ADGRV1: variants seen among roughly 807,000 people sequenced by gnomAD.
ADGRV1 encodes the protein adhesion G protein-coupled receptor V1.
In ADGRV1, 359 loss-of-function variants were observed where a neutral mutation model predicts 596.2. That is an observed-to-expected ratio of 0.60 (90% confidence interval 0.55 to 0.66). The LOEUF is 0.66. ADGRV1 is among the 30% of genes least tolerant of loss of function. The pLI, the probability that ADGRV1 is intolerant of heterozygous loss-of-function variation, is 0.00. For missense variants in ADGRV1, 7,274 were observed against 7,575.6 expected, an observed-to-expected ratio of 0.96 and a Z score of 1.48; for synonymous variants, 2,681 against 2,679.2, an observed-to-expected ratio of 1.00 and a Z score of -0.02.
chr5:90,721,752 ATAGGG>A (rs1751062690), intron 45 of ADGRV1, among the ~76,000 whole-genome samples: 1 of 152,106 alleles, frequency 6.6e-6, no homozygotes, highest in Admixed American at 6.5e-5. Context: ...TTGAAAGAAT[ATAGGG>A]GAATGCTTTC....
At chr5:91,146,788 G>A (rs954708412) in intron 87 of ADGRV1, among the ~76,000 whole-genome samples, 4 of 152,166 alleles carry the variant, frequency 2.6e-5, no homozygotes, top group Non-Finnish European at 5.9e-5. Flanking sequence ...AATGTACATA[G>A]CTAATCAGAT....
chr5:90,653,258 G>A lies in ADGRV1; in HGVS notation c.3684G>A (p.Val1228=). 1 of 1,613,546 alleles carries A rather than the reference G, an allele frequency of 6.2e-7. No individual in the cohort carries two copies. The highest frequency in any genetic ancestry group is 8.5e-7 in the Non-Finnish European group (1 of 1,179,610). The change falls in exon 20 of 90, where the codon GTG becomes GTA. Residue 1228 remains valine (V), a synonymous_variant. Coordinates refer to ENST00000405460, the MANE Select transcript of ADGRV1 (RefSeq NM_032119.4). ...AGCTAGCAGAAACCAACCTCCAGGT[G>A]ACAGTAATGGTTCCATTCAATGATG... ...GGQLAETNLQ[V]TVMVPFNDDP...
chr5:90,776,151 A>G (rs1758202501), intron 60 of ADGRV1, among the ~76,000 whole-genome samples: 1 of 152,220 alleles, frequency 6.6e-6, no homozygotes, highest in South Asian at 2.1e-4. Context: ...TGTAGAAACA[A>G]ATTAATGCCA....
chr5:91,051,169 T>A (rs1786288069), intron 85 of ADGRV1, among the ~76,000 whole-genome samples: 1 of 152,178 alleles, frequency 6.6e-6, no homozygotes, highest in African/African-American at 2.4e-5. Flanking sequence ...AATGTATGAA[T>A]TTCATCCCAT....
At chr5:90,671,846 T>G (rs181700080) in intron 21 of ADGRV1, among the ~76,000 whole-genome samples, 17 of 152,276 alleles carry the variant, frequency 1.1e-4, no homozygotes, top group African/African-American at 4.1e-4. Flanking sequence ...CCATAGAGTT[T>G]TAAAGCATTA....
At position 90,603,958 on chromosome 5, in the gene ADGRV1, C is replaced by T. The variant is rs375669641; in HGVS notation, c.23-10877C>T. Among the ~76,000 whole-genome samples, 27 of 147,682 alleles carry T rather than the reference C, an allele frequency of 1.8e-4. 1 individual carries two copies. The South Asian group carries it at 4.2e-3, about 23-fold the overall frequency. The stretch of plus-strand genomic sequence containing the variant: ...CTCACCACCTTGTGAACTGGTTTTC[C>T]GCCTCTGAATGACATGGAGATAAGA... On this transcript the variant is annotated intron_variant, in intron 1 of 89. Transcript: ENST00000405460.
chr5:90,563,438 A>G (rs561663768), intron 1 of ADGRV1, among the ~76,000 whole-genome samples: 1 of 152,268 alleles, frequency 6.6e-6, no homozygotes, highest in Non-Finnish European at 1.5e-5. Flanking sequence ...GTAGGGTGCC[A>G]TAGGGCAAGG....
At chr5:90,775,089 G>A (rs1758085960) in intron 60 of ADGRV1, among the ~76,000 whole-genome samples, 1 of 152,068 alleles carries the variant, frequency 6.6e-6, no homozygotes, top group Non-Finnish European at 1.5e-5. Flanking sequence ...TGGTTTTATT[G>A]TGCTATAAAC....
intron 1 of ADGRV1, among the ~76,000 whole-genome samples, chr5:90,570,267 A>G (rs1039499397): frequency 6.6e-6 from 1 of 152,210 alleles, no homozygotes; most frequent in Non-Finnish European, 1.5e-5. Flanking sequence ...ACTGCCTTCT[A>G]GCCTCCTAGG....
intron 89 of ADGRV1, among the ~76,000 whole-genome samples, chr5:91,154,445 A>G (rs772167254): frequency 3.9e-5 from 6 of 152,190 alleles, no homozygotes; most frequent in Non-Finnish European, 7.3e-5. Flanking sequence ...ATAACAGCAT[A>G]TTTTCATGTA....
At chr5:90,719,763 C>A (rs1053116541) in intron 43 of ADGRV1, among the ~76,000 whole-genome samples, 2 of 152,108 alleles carry the variant, frequency 1.3e-5, no homozygotes, top group African/African-American at 4.8e-5. Flanking sequence ...ACAAAAAGTT[C>A]ACAAAAATGA....
At chr5:90,903,694 A>C (rs1027748458) in intron 83 of ADGRV1, among the ~76,000 whole-genome samples, 2 of 152,022 alleles carry the variant, frequency 1.3e-5, no homozygotes, top group African/African-American at 2.4e-5. Flanking sequence ...TCATACAGGC[A>C]TGCAATGTAT....
chr5:90,718,755 G>A (rs1580854780), intron 43 of ADGRV1, among the ~76,000 whole-genome samples: 1 of 150,242 alleles, frequency 6.7e-6, no homozygotes, highest in African/African-American at 2.4e-5. Context: ...CTTTATTCAT[G>A]TTTTTTCATC....
In ADGRV1 at chr5:90,690,898, G is replaced by C. The variant is rs376020392; in HGVS notation, c.6808G>C (p.Val2270Leu). The C allele has an allele frequency of 6.2e-7, 1 of 1,613,742 alleles. No individual in the cohort carries two copies. Among genetic ancestry groups the C allele is most frequent in the African/African-American group, 1.3e-5 (1 of 75,028 alleles). Reference sequence around the variant, plus strand: ...TTCTGGGACACTCGGCAATGTTACTGTTCAGTGGGTTGCCACCATTAATGG... The same window carrying C: ...TTCTGGGACACTCGGCAATGTTACTCTTCAGTGGGTTGCCACCATTAATGG... ...RNSGTLGNVTVQWVATINGQL... is the reference protein window; with the variant it reads ...RNSGTLGNVTLQWVATINGQL... Residue 2270 changes from valine to leucine, a missense_variant, in exon 31 of 90, where the codon GTT becomes CTT. By Grantham distance (32) the Val-to-Leu change is conservative. Transcript: ENST00000405460.
chr5:90,998,059 T>G (rs1781560206), intron 85 of ADGRV1, among the ~76,000 whole-genome samples: 1 of 152,212 alleles, frequency 6.6e-6, no homozygotes, highest in South Asian at 2.1e-4. Context: ...TTTTGCTATC[T>G]CCAGCTATTT....
chr5:91,006,516 C>G (rs999795265), intron 85 of ADGRV1, among the ~76,000 whole-genome samples: 25 of 151,986 alleles, frequency 1.6e-4, no homozygotes, highest in Non-Finnish European at 2.6e-4. Flanking sequence ...TTTTGATCAC[C>G]TCTCTGCATG....
chr5:90,973,498 C>T (rs1342404605), intron 84 of ADGRV1, among the ~76,000 whole-genome samples: 2 of 152,138 alleles, frequency 1.3e-5, no homozygotes, highest in Admixed American at 6.5e-5. Flanking sequence ...AAAAGCTTAT[C>T]CACCATGATC....
intron 28 of ADGRV1, 40 bp from the exon 29 acceptor site, chr5:90,685,740 G>T: frequency 1.3e-6 from 2 of 1,495,504 alleles, no homozygotes; most frequent in South Asian, 2.4e-5. Context: ...TTAGAATTTT[G>T]ATAGCTTTCT....
At chr5:90,855,342 GA>G (rs1284909751) in intron 81 of ADGRV1, among the ~76,000 whole-genome samples, 1 of 151,890 alleles carries the variant, frequency 6.6e-6, no homozygotes, top group Non-Finnish European at 1.5e-5. Flanking sequence ...ACTTGTGGAA[GA>G]AAAAAAACAA....
Sources: allele counts gnomAD v4.1 joint callset (sites outside exome capture counted in the v4.1 genomes callset), GRCh38; gene constraint gnomAD v4.1.1; transcripts MANE v1.5; gene names NCBI Gene and HGNC (gene_info 2026-07-23, HGNC 2026-07-21).